Variants in ADAMTSL3 observed in about 807,000 individuals in gnomAD.
ADAMTSL3 encodes the protein ADAMTS-like protein 3.
A neutral mutation model predicts 201.7 loss-of-function variants in ADAMTSL3; 128 were observed. The observed-to-expected ratio is 0.63, with a 90% CI of 0.55 to 0.73. The LOEUF (loss-of-function observed/expected upper bound fraction) is 0.73, where lower values mean the gene tolerates loss of function less well. ADAMTSL3 is among the 30% of genes least tolerant of loss of function. ADAMTSL3 has a pLI of 0.00. For synonymous variants in ADAMTSL3, 738 were observed against 748.4 expected, an observed-to-expected ratio of 0.99 and a Z score of 0.23; for missense variants, 1,990 against 2,119.6, an observed-to-expected ratio of 0.94 and a Z score of 1.20.
intron 25 of ADAMTSL3, among the ~76,000 whole-genome samples, chr15:84,017,298 T>C (rs747471804): frequency 3.9e-5 from 6 of 152,116 alleles, no homozygotes; most frequent in Non-Finnish European, 8.8e-5. Flanking sequence ...TTTGTATTTT[T>C]AGTGGAGACG....
chr15:83,697,262 T>C (rs2061699069), intron 2 of ADAMTSL3, among the ~76,000 whole-genome samples: 2 of 152,178 alleles, frequency 1.3e-5, no homozygotes, highest in African/African-American at 2.4e-5. Context: ...AAAGTGCTTT[T>C]TCATACTGTC....
chr15:83,936,109 T>C (rs1279171515), intron 17 of ADAMTSL3, among the ~76,000 whole-genome samples: 1 of 152,094 alleles, frequency 6.6e-6, no homozygotes. Flanking sequence ...CTAAAAAAGT[T>C]TATTGACTAT....
At chr15:83,773,175 G>A (rs1426758359) in intron 3 of ADAMTSL3, among the ~76,000 whole-genome samples, 5 of 152,172 alleles carry the variant, frequency 3.3e-5, no homozygotes, top group African/African-American at 9.6e-5. Flanking sequence ...GATTTGGGAG[G>A]CTGAGGCGGG....
intron 27 of ADAMTSL3, among the ~76,000 whole-genome samples, chr15:84,027,278 A>G (rs1252204017): frequency 6.6e-6 from 1 of 152,216 alleles, no homozygotes; most frequent in East Asian, 1.9e-4. Flanking sequence ...GCTGATGGGA[A>G]TGTAAAATGG....
At position 83,747,149 on chromosome 15, in the gene ADAMTSL3, T is replaced by C. The variant is rs905095060; in HGVS notation, c.190-26374T>C. Among the ~76,000 whole-genome samples, 3 of 152,098 alleles carry C rather than the reference T, an allele frequency of 2.0e-5. No individual in the cohort carries two copies. In the East Asian group the frequency reaches 5.8e-4, roughly 29 times the overall value. ...ATGGTGTTAGGTGTCACTTGGAAGTTAGGTTAGATAAGGAAGTGTTGGGCT... is the reference window on the plus strand; with the variant it reads ...ATGGTGTTAGGTGTCACTTGGAAGTCAGGTTAGATAAGGAAGTGTTGGGCT... On this transcript the variant is annotated intron_variant, in intron 3 of 29. Transcript: ENST00000286744.
intron 2 of ADAMTSL3, among the ~76,000 whole-genome samples, chr15:83,684,947 T>G (rs532184361): frequency 8.5e-5 from 13 of 152,202 alleles, no homozygotes; most frequent in Non-Finnish European, 1.9e-4. Flanking sequence ...ATGGCAACAA[T>G]GTATAGTTTA....
chr15:83,934,176 G>A (rs1029839934), intron 17 of ADAMTSL3, among the ~76,000 whole-genome samples: 2 of 151,704 alleles, frequency 1.3e-5, no homozygotes, highest in Non-Finnish European at 3.0e-5. Flanking sequence ...GCAGCTGGGA[G>A]GGGGGGCTGT....
At chr15:83,793,651 A>G (rs1199350723) in intron 4 of ADAMTSL3, among the ~76,000 whole-genome samples, 1 of 151,978 alleles carries the variant, frequency 6.6e-6, no homozygotes, top group Non-Finnish European at 1.5e-5. Context: ...TAATTTTTGT[A>G]CTTTTGGTAG....
intron 8 of ADAMTSL3, among the ~76,000 whole-genome samples, chr15:83,864,304 C>G (rs1331696110): frequency 6.6e-6 from 1 of 152,072 alleles, no homozygotes; most frequent in Non-Finnish European, 1.5e-5. Context: ...GGCAGAGACA[C>G]AACCAAAAAA....
chr15:83,669,826 G>A (rs1482835232), intron 2 of ADAMTSL3, among the ~76,000 whole-genome samples: 5 of 152,072 alleles, frequency 3.3e-5, no homozygotes, highest in Non-Finnish European at 5.9e-5. Context: ...TTTTCTTTAA[G>A]GCAGCCTAGT....
intron 19 of ADAMTSL3, among the ~76,000 whole-genome samples, chr15:83,963,319 G>A (rs2067008511): frequency 6.6e-6 from 1 of 152,164 alleles, no homozygotes; most frequent in African/African-American, 2.4e-5. Context: ...CAGCTTGGTG[G>A]GGGAAGGGGC....
chr15:83,942,331 A>G (rs988912195), intron 17 of ADAMTSL3, among the ~76,000 whole-genome samples: 3 of 152,360 alleles, frequency 2.0e-5, no homozygotes, highest in Admixed American at 1.3e-4. Context: ...GTGGTAGGAC[A>G]GGATGGGAAC....
intron 3 of ADAMTSL3, among the ~76,000 whole-genome samples, chr15:83,725,171 A>G (rs1355496756): frequency 2.0e-5 from 3 of 152,196 alleles, no homozygotes; most frequent in Admixed American, 6.5e-5. Flanking sequence ...ATTCCCACCA[A>G]CAGTGTATGA....
chr15:83,944,592 G>GA (rs1409644831), intron 19 of ADAMTSL3, among the ~76,000 whole-genome samples: 2 of 152,146 alleles, frequency 1.3e-5, no homozygotes, highest in Non-Finnish European at 2.9e-5. Flanking sequence ...TTATAGATGA[G>GA]AAAAACAGAG....
intron 20 of ADAMTSL3, among the ~76,000 whole-genome samples, chr15:83,974,391 T>C (rs2067246649): frequency 1.3e-5 from 2 of 152,224 alleles, no homozygotes; most frequent in African/African-American, 4.8e-5. Flanking sequence ...TTAATACCTA[T>C]AAAGTGCTTC....
intron 9 of ADAMTSL3, among the ~76,000 whole-genome samples, chr15:83,876,933 T>C (rs62025831): frequency 0.22 from 32,963 of 152,134 alleles, 4,235 homozygotes; most frequent in Non-Finnish European, 0.28. Context: ...ACTGGGATTA[T>C]AGGTGTATGC....
chr15:83,899,171 A>G (rs555521242), intron 14 of ADAMTSL3, among the ~76,000 whole-genome samples: 2 of 152,314 alleles, frequency 1.3e-5, no homozygotes, highest in African/African-American at 4.8e-5. Context: ...TCCCTCAACA[A>G]CTACAACAAC....
intron 3 of ADAMTSL3, among the ~76,000 whole-genome samples, chr15:83,766,350 G>T (rs976962495): frequency 6.6e-6 from 1 of 152,218 alleles, no homozygotes; most frequent in African/African-American, 2.4e-5. Context: ...TATAGTTTGT[G>T]TGAGAAAATG....
chr15:83,782,224 C>T (rs892558584), intron 4 of ADAMTSL3, among the ~76,000 whole-genome samples: 1 of 152,166 alleles, frequency 6.6e-6, no homozygotes, highest in African/African-American at 2.4e-5. Flanking sequence ...TGCCTGTAAT[C>T]CCAGCACTTT....
Sources: gnomAD v4.1 joint callset for allele counts (sites outside exome capture counted in the v4.1 genomes callset) on GRCh38, gnomAD v4.1.1 for gene constraint, MANE v1.5 for transcripts, NCBI Gene and HGNC (gene_info 2026-07-23, HGNC 2026-07-21) for gene names.